PDE4D: variants seen among roughly 807,000 people sequenced by gnomAD.
The protein encoded by PDE4D is 3',5'-cyclic-AMP phosphodiesterase 4D.
A neutral mutation model predicts 87.4 loss-of-function variants in PDE4D; 24 were observed. That is an observed-to-expected ratio of 0.27 (90% CI 0.20 to 0.39). PDE4D has a LOEUF of 0.39. Ranked by LOEUF, PDE4D falls within the 10% of genes least tolerant of loss-of-function variation. PDE4D has a pLI of 1.00. For synonymous variants in PDE4D, 384 were observed against 383.2 expected, an observed-to-expected ratio of 1.00 and a Z score of -0.02; for missense variants, 714 against 1,041.0, an observed-to-expected ratio of 0.69 and a Z score of 4.32.
intron 1 of PDE4D, among the ~76,000 whole-genome samples, chr5:59,466,857 G>T (rs1801652075): frequency 6.6e-6 from 1 of 152,132 alleles, no homozygotes; most frequent in Non-Finnish European, 1.5e-5. Flanking sequence ...GGCTGTTACG[G>T]GGTGAATCCT....
intron 1 of PDE4D, among the ~76,000 whole-genome samples, chr5:60,194,771 A>C (rs1156934823): frequency 6.6e-6 from 1 of 151,500 alleles, no homozygotes; most frequent in Non-Finnish European, 1.5e-5. Flanking sequence ...CCACTACCAC[A>C]GTCTTCCAGA....
chr5:59,390,182 G>A (rs1027285549), intron 1 of PDE4D, among the ~76,000 whole-genome samples: 29 of 152,018 alleles, frequency 1.9e-4, no homozygotes, highest in Admixed American at 6.6e-4. Flanking sequence ...GAAAAAAAGA[G>A]AAGAAATTCT....
intron 2 of PDE4D, among the ~76,000 whole-genome samples, chr5:60,054,961 G>C (rs1396474): frequency 6.6e-6 from 1 of 152,054 alleles, no homozygotes; most frequent in South Asian, 2.1e-4. Context: ...GCAACTCAAC[G>C]AATATAAAGA....
In PDE4D at chr5:59,938,232, T is replaced by A. The variant is rs187395896; in HGVS notation, c.272+50256A>T. ...TTATTCTATACCATCCTTCACTTTG[T>A]ATCATTGCTAAGGGTCTCTTCACTC... On this transcript the variant is annotated intron_variant, in intron 3 of 16. Coordinates refer to the PDE4D transcript ENST00000502484. Among the ~76,000 whole-genome samples the A allele has an allele frequency of 5.1e-4, 78 of 152,300 alleles. 1 individual carries two copies. Among genetic ancestry groups the A allele is most frequent in the African/African-American group, 1.8e-3 (74 of 41,570 alleles).
intron 2 of PDE4D, chr5:59,193,845 T>C: frequency 2.1e-6 from 2 of 941,112 alleles, no homozygotes; most frequent in African/African-American, 3.5e-5. Context: ...GCCTGAGTTT[T>C]ACTTTTGGCC....
intron 1 of PDE4D, among the ~76,000 whole-genome samples, chr5:59,395,043 C>T (rs1334535089): frequency 2.6e-5 from 4 of 152,218 alleles, no homozygotes; most frequent in South Asian, 2.1e-4. Context: ...AAACAGCACA[C>T]CACGAGATTA....
intron 1 of PDE4D, among the ~76,000 whole-genome samples, chr5:59,583,420 G>A (rs1445697803): frequency 1.3e-5 from 2 of 152,166 alleles, no homozygotes; most frequent in Non-Finnish European, 2.9e-5. Context: ...TAGCCAGAAG[G>A]AAAAATAAGA....
intron 1 of PDE4D, among the ~76,000 whole-genome samples, chr5:59,345,900 T>C (rs1779533739): frequency 6.6e-6 from 1 of 152,186 alleles, no homozygotes; most frequent in Non-Finnish European, 1.5e-5. Context: ...TGTACATTTG[T>C]TTACTAAGTG....
chr5:59,019,170 C>G (rs1754611903), intron 6 of PDE4D, among the ~76,000 whole-genome samples: 1 of 151,982 alleles, frequency 6.6e-6, no homozygotes, highest in African/African-American at 2.4e-5. Flanking sequence ...GTGGTCCTGC[C>G]AAGTCTTATG....
At chr5:60,391,105 A>G (rs1378804111) in intron 1 of PDE4D, among the ~76,000 whole-genome samples, 1 of 152,142 alleles carries the variant, frequency 6.6e-6, no homozygotes, top group African/African-American at 2.4e-5. Flanking sequence ...CCCTTCTACA[A>G]TGATAGCTTC....
At chr5:59,425,497 T>C (rs982062135) in intron 1 of PDE4D, among the ~76,000 whole-genome samples, 1 of 152,166 alleles carries the variant, frequency 6.6e-6, no homozygotes, top group Admixed American at 6.5e-5. Flanking sequence ...CATTGCCAAA[T>C]GTCCCCTGCA....
chr5:60,150,266 T>A (rs998052384), intron 2 of PDE4D, among the ~76,000 whole-genome samples: 5 of 151,922 alleles, frequency 3.3e-5, no homozygotes, highest in Non-Finnish European at 7.4e-5. Flanking sequence ...GAAGACTGGC[T>A]TTGATAGTTC....
intron 1 of PDE4D, among the ~76,000 whole-genome samples, chr5:59,736,401 G>A (rs1156270343): frequency 2.0e-5 from 3 of 152,020 alleles, no homozygotes; most frequent in Non-Finnish European, 4.4e-5. Context: ...ACAATTGGCC[G>A]GGTGCAGTGG....
chr5:60,385,367 G>GA (rs1561193744), intron 1 of PDE4D, among the ~76,000 whole-genome samples: 1 of 152,194 alleles, frequency 6.6e-6, no homozygotes, highest in Non-Finnish European at 1.5e-5. Context: ...TCCTCACCAG[G>GA]GGTGAAGAAT....
chr5:60,075,545 G>A (rs1204071628), intron 2 of PDE4D, among the ~76,000 whole-genome samples: 2 of 152,094 alleles, frequency 1.3e-5, no homozygotes, highest in Admixed American at 1.3e-4. Context: ...GAATTTAAAT[G>A]CTGGCCTCAC....
At chr5:59,225,520 T>C (rs2153513776) in intron 1 of PDE4D, among the ~76,000 whole-genome samples, 1 of 152,300 alleles carries the variant, frequency 6.6e-6, no homozygotes, top group African/African-American at 2.4e-5. Context: ...CTTTTCTATT[T>C]CTATAAAAAA....
At chr5:59,099,555 C>T (rs758994576) in intron 5 of PDE4D, among the ~76,000 whole-genome samples, 14 of 152,044 alleles carry the variant, frequency 9.2e-5, no homozygotes, top group Non-Finnish European at 2.1e-4. Context: ...AGATGCGCCG[C>T]AAAATGTGAC....
At chr5:59,117,264 T>C (rs1773757350) in intron 5 of PDE4D, among the ~76,000 whole-genome samples, 1 of 152,214 alleles carries the variant, frequency 6.6e-6, no homozygotes, top group Non-Finnish European at 1.5e-5. Flanking sequence ...TTCAACTTTT[T>C]ATAAAAACAA....
intron 1 of PDE4D, among the ~76,000 whole-genome samples, chr5:60,348,768 A>G (rs960347127): frequency 5.3e-5 from 8 of 152,114 alleles, no homozygotes; most frequent in African/African-American, 1.9e-4. Flanking sequence ...AAGACAAAAT[A>G]TATAAAAACA....
Sources: gnomAD v4.1 joint callset for allele counts (sites outside exome capture counted in the v4.1 genomes callset) on GRCh38, gnomAD v4.1.1 for gene constraint, MANE v1.5 for transcripts, NCBI Gene and HGNC (gene_info 2026-07-23, HGNC 2026-07-21) for gene names.